CNTRL: variants seen among roughly 807,000 people sequenced by gnomAD.
The protein encoded by CNTRL is centriolin, also known as 110 kDa centrosomal protein.
CNTRL carries 233 observed loss-of-function variants against 303.7 expected under a neutral mutation model. That is an observed-to-expected ratio of 0.77 (90% CI 0.69 to 0.86). The LOEUF is 0.86. CNTRL is among the 40% of genes least tolerant of loss of function. The probability of loss-of-function intolerance (pLI) is 0.00; values close to 1 mark genes in which losing one functional copy is unlikely to be tolerated. For synonymous variants in CNTRL, 900 were observed against 922.2 expected (o/e 0.98, Z 0.44); for missense variants, 2,524 against 2,650.6 (o/e 0.95, Z 1.05).
At chr9:121,089,717 G>A (rs752777196) in intron 3 of CNTRL, among the ~76,000 whole-genome samples, 3 of 152,056 alleles carry the variant, frequency 2.0e-5, no homozygotes, top group Non-Finnish European at 4.4e-5. Context: ...AAACTAACAC[G>A]AAAATATTGC....
intron 12 of CNTRL, among the ~76,000 whole-genome samples, chr9:121,123,090 A>AT (rs950295746): frequency 5.3e-5 from 8 of 152,126 alleles, no homozygotes; most frequent in Non-Finnish European, 1.2e-4. Flanking sequence ...AGTAGATTTA[A>AT]TTTTTTTATT....
chr9:121,135,032 A>G (rs1456605994), intron 14 of CNTRL, among the ~76,000 whole-genome samples: 1 of 152,256 alleles, frequency 6.6e-6, no homozygotes, highest in Non-Finnish European at 1.5e-5. Flanking sequence ...ATTCTTTTGT[A>G]GAAGTTCTCA....
rs2053468758 is a variant in CNTRL at position 121,175,179 on chromosome 9, G to T, written c.6909G>T (p.Gln2303His). The T allele has an allele frequency of 6.2e-7, 1 of 1,614,156 alleles. No individual in the cohort carries two copies. The highest frequency in any genetic ancestry group is 1.1e-5 in the South Asian group (1 of 91,090). The stretch of plus-strand genomic sequence containing the variant: ...CAGCGTCATCACCCAGTCTGTCTCA[G>T]CTGGAGTCTTCCCTCACAGAGGACT... ...ADSASSPSLS[Q>H]LESSLTEDSQ... Residue 2303 changes from glutamine to histidine, a missense_variant, in exon 43 of 44, where the codon CAG (glutamine) becomes CAT (histidine). By Grantham distance (24) the Gln-to-His change is conservative (BLOSUM62 0). Transcript: ENST00000373855.
At chr9:121,099,491 G>A (rs530850487) in intron 7 of CNTRL, among the ~76,000 whole-genome samples, 41 of 152,182 alleles carry the variant, frequency 2.7e-4, no homozygotes, top group African/African-American at 9.7e-4. Context: ...AAATCAGAGC[G>A]CCTGTTCTCC....
intron 5 of CNTRL, 132 bp downstream of exon 5, chr9:121,095,150 A>T (rs1039331642): frequency 7.3e-6 from 5 of 682,124 alleles, no homozygotes; most frequent in Non-Finnish European, 1.2e-5. Context: ...TTCATCAATC[A>T]AATGAATGTC....
At position 121,167,538 on chromosome 9, in the gene CNTRL, C is replaced by G. The variant is rs775835571; in HGVS notation, c.5705C>G (p.Thr1902Ser). The change falls in exon 37 of 44, where the codon ACC (threonine) becomes AGC (serine). Residue 1902 changes from threonine to serine, a missense_variant. Thr to Ser is a moderately conservative substitution (Grantham distance 58). Transcript: ENST00000373855. ...KHQDVLLSEQTRLQKDISEWA... is the reference protein window; with the variant it reads ...KHQDVLLSEQSRLQKDISEWA... Reference sequence around the variant, plus strand: ...CAGGATGTGTTGCTCAGTGAGCAGACCCGACTCCAGAAGGACATCAGTGAA... The same window carrying G: ...CAGGATGTGTTGCTCAGTGAGCAGAGCCGACTCCAGAAGGACATCAGTGAA... 6.2e-7 allele frequency: 1 copy of G among 1,613,954 alleles called. No homozygotes were observed. The highest frequency in any genetic ancestry group is 1.6e-4 in the Middle Eastern group (1 of 6,062).
chr9:121,158,817 C>T (rs778508066), intron 30 of CNTRL, 38 bp from the exon 31 acceptor site: 2 of 1,598,288 alleles, frequency 1.3e-6, no homozygotes, highest in Non-Finnish European at 1.7e-6. Context: ...GGCTGTATGG[C>T]CTTTGTCAAA....
At position 121,134,416 on chromosome 9, in the gene CNTRL, A is replaced by G. The variant is rs952903941; in HGVS notation, c.2026-1390A>G. On this transcript the variant is annotated intron_variant, in intron 14 of 43. Coordinates refer to ENST00000373855, the MANE Select transcript of CNTRL (RefSeq NM_007018.6). Reference sequence around the variant, plus strand: ...AGTGATTCCGCTGCCTCAGCCTCCTAAGTAGCTGGGACTACAGGCGTGTGC... The same window carrying G: ...AGTGATTCCGCTGCCTCAGCCTCCTGAGTAGCTGGGACTACAGGCGTGTGC... Among the ~76,000 whole-genome samples, 119 of 151,874 alleles carry G rather than the reference A, an allele frequency of 7.8e-4. 2 individuals carry two copies. The highest frequency in any genetic ancestry group is 2.7e-3 in the African/African-American group (110 of 41,402).
intron 4 of CNTRL, among the ~76,000 whole-genome samples, 185 bp from the exon 5 acceptor site, chr9:121,094,703 G>A (rs1426768065): frequency 6.6e-6 from 1 of 152,166 alleles, no homozygotes; most frequent in Non-Finnish European, 1.5e-5. Flanking sequence ...AGAGAGTTTG[G>A]TAGCTTGAGT....
chr9:121,160,017 G>C (rs1244173045), intron 31 of CNTRL, 126 bp from the exon 32 acceptor site: 1 of 628,648 alleles, frequency 1.6e-6, no homozygotes, highest in African/African-American at 1.9e-5. Context: ...TGACATAAAA[G>C]GCAAAAATGA....
rs200247383 is a variant in CNTRL, at chr9:121,151,384, C to CTTTTTTTTTTTT, written c.3963+903_3963+904insTTTTTTTTTTTT. Among the ~76,000 whole-genome samples, 142 of 91,480 alleles carry CTTTTTTTTTTTT rather than the reference C, an allele frequency of 1.6e-3. 10 individuals carry two copies. Among genetic ancestry groups the CTTTTTTTTTTTT allele is most frequent in the East Asian group, 5.9e-3 (13 of 2,218 alleles). 60.0% of individuals were successfully genotyped at this position (91,480 alleles called of 152,430 possible). On this transcript the variant is annotated intron_variant, in intron 25 of 43. Transcript: ENST00000373855. ...GATTACTTCCTTTTTCTTTTTTCTT[C>CTTTTTTTTTTTT]TTCTTTTTTTTTTTTTTTTTTTTTG...
rs1192230955 is a variant in CNTRL, at chr9:121,141,406, G to C, written c.2509G>C (p.Gly837Arg). The change falls in exon 18 of 44, where the codon GGG becomes CGG. Residue 837 changes from glycine (G) to arginine (R), a missense_variant. Coordinates refer to ENST00000373855, the MANE Select transcript of CNTRL (RefSeq NM_007018.6). ...MNIHSPSDVL[G>R]KSLADLQKQF... ...CATCCATAGTCCTTCAGATGTCTTAGGGAAAAGTCTTGCTGATTTACAGAA... is the reference window on the plus strand; with the variant it reads ...CATCCATAGTCCTTCAGATGTCTTACGGAAAAGTCTTGCTGATTTACAGAA... The C allele has an allele frequency of 1.2e-6, 2 of 1,613,764 alleles. No homozygotes were observed. Among genetic ancestry groups the C allele is most frequent in the Non-Finnish European group, 1.7e-6 (2 of 1,179,776 alleles).
chr9:121,143,815 A>G lies in CNTRL; in HGVS notation c.2872-88A>G, dbSNP rs1444534016. On this transcript the variant is annotated intron_variant, in intron 19 of 43. Coordinates refer to ENST00000373855, the MANE Select transcript of CNTRL (RefSeq NM_007018.6). ...TCAAGTATTGTTCTAGGCAGCAGTGAACAGAGTCCCTACCCTCCTGGAGCT... is the reference window on the plus strand; with the variant it reads ...TCAAGTATTGTTCTAGGCAGCAGTGGACAGAGTCCCTACCCTCCTGGAGCT... 3.0e-6 allele frequency: 3 copies of G among 1,002,408 alleles called. No homozygotes were observed. In the East Asian group the frequency reaches 7.6e-5, roughly 25 times the overall value. 62.1% of individuals were successfully genotyped at this position (1,002,408 alleles called of 1,614,324 possible).
chr9:121,143,732 TCA>T (rs2051662778), intron 19 of CNTRL, among the ~76,000 whole-genome samples, 169 bp from the exon 20 acceptor site: 4 of 152,228 alleles, frequency 2.6e-5, no homozygotes, highest in Non-Finnish European at 5.9e-5. Context: ...TACAAGTTTC[TCA>T]CAGTTTTGAG....
intron 27 of CNTRL, 141 bp from the exon 28 acceptor site, chr9:121,157,329 G>A (rs2052623100): frequency 1.3e-6 from 1 of 745,552 alleles, no homozygotes; most frequent in Non-Finnish European, 2.1e-6. Context: ...TATTTACCGA[G>A]AATTAGAGTT....
At chr9:121,096,682 A>T in intron 6 of CNTRL, 119 bp downstream of exon 6, 1 of 742,100 alleles carries the variant, frequency 1.3e-6, no homozygotes, top group Non-Finnish European at 1.9e-6. Flanking sequence ...TTGACTAAAC[A>T]CTAGATTCAG....
At chr9:121,109,462 CT>C (rs1305272940) in intron 8 of CNTRL, among the ~76,000 whole-genome samples, 5 of 152,046 alleles carry the variant, frequency 3.3e-5, no homozygotes, top group Non-Finnish European at 7.4e-5. Context: ...TTTTTAAAGT[CT>C]ATGTTGTGTT....
chr9:121,140,620 C>T (rs2051451329), intron 16 of CNTRL, 21 bp from the exon 17 acceptor site: 1 of 1,592,908 alleles, frequency 6.3e-7, no homozygotes, highest in African/African-American at 1.3e-5. Flanking sequence ...TAGATAATCC[C>T]TATTTCATCC....
At chr9:121,155,171 C>T (rs547734195) in intron 27 of CNTRL, among the ~76,000 whole-genome samples, 24 of 152,224 alleles carry the variant, frequency 1.6e-4, no homozygotes, top group Admixed American at 4.6e-4. Flanking sequence ...AATAAAACAG[C>T]GTATTTAAAA....
Sources: gnomAD v4.1 joint callset for allele counts (sites outside exome capture counted in the v4.1 genomes callset) on GRCh38, gnomAD v4.1.1 for gene constraint, MANE v1.5 for transcripts, NCBI Gene and HGNC (gene_info 2026-07-23, HGNC 2026-07-21) for gene names.